RDX: variants seen among roughly 807,000 people sequenced by gnomAD.
The protein encoded by RDX is deafness, autosomal recessive 24.
A neutral mutation model predicts 83.7 loss-of-function variants in RDX; 32 were observed. That is an observed-to-expected ratio of 0.38 (90% CI 0.29 to 0.51). The LOEUF is 0.51. RDX is among the 20% of genes least tolerant of loss of function. The pLI, the probability that RDX is intolerant of heterozygous loss-of-function variation, is 0.87. For synonymous variants in RDX, 229 were observed against 222.7 expected (o/e 1.03, Z -0.25); for missense variants, 600 against 689.9 (o/e 0.87, Z 1.46).
At chr11:110,194,955 A>T (rs1830085581) in intron 15 of RDX, among the ~76,000 whole-genome samples, 1 of 151,028 alleles carries the variant, frequency 6.6e-6, no homozygotes, top group Admixed American at 6.6e-5. Context: ...GAAGGCTGTA[A>T]GAGTGACTTT....
intron 13 of RDX, among the ~76,000 whole-genome samples, chr11:110,232,907 GC>G (rs1864696634): frequency 6.6e-6 from 1 of 152,172 alleles, no homozygotes; most frequent in Non-Finnish European, 1.5e-5. Flanking sequence ...GAGCCACTGC[GC>G]CTGGCCCTCA....
At chr11:110,284,271 C>G (rs897519439) in intron 1 of RDX, among the ~76,000 whole-genome samples, 2 of 152,136 alleles carry the variant, frequency 1.3e-5, no homozygotes, top group African/African-American at 4.8e-5. Flanking sequence ...TTTCTCCCCC[C>G]AAACTAAATA....
intron 14 of RDX, among the ~76,000 whole-genome samples, chr11:110,219,009 G>A (rs762018824): frequency 3.9e-5 from 6 of 152,176 alleles, no homozygotes; most frequent in Non-Finnish European, 7.3e-5. Context: ...GGGTGAGATA[G>A]ATACAATACA....
At chr11:110,284,584 G>C (rs1237583251) in intron 1 of RDX, among the ~76,000 whole-genome samples, 1 of 151,340 alleles carries the variant, frequency 6.6e-6, no homozygotes, top group Non-Finnish European at 1.5e-5. Flanking sequence ...GCAGTGGCGC[G>C]ATATCGGCTC....
intron 15 of RDX, among the ~76,000 whole-genome samples, chr11:110,198,204 T>C (rs1591504657): frequency 6.6e-6 from 1 of 151,964 alleles, no homozygotes; most frequent in Non-Finnish European, 1.5e-5. Context: ...AATCAGCAAG[T>C]TGGGGGAACT....
chr11:110,188,157 G>C (rs1863023883), intron 15 of RDX, among the ~76,000 whole-genome samples: 1 of 152,040 alleles, frequency 6.6e-6, no homozygotes, highest in Non-Finnish European at 1.5e-5. Flanking sequence ...AACCAGGCAT[G>C]GTGGTGCGCC....
intron 1 of RDX, chr11:110,288,279 ATCTCT>A (rs1313910913): frequency 6.6e-6 from 1 of 152,222 alleles, no homozygotes. Flanking sequence ...TGAGTTTAGG[ATCTCT>A]TCTAAGAGTT....
chr11:110,276,374 A>G (rs1860519486), intron 2 of RDX, among the ~76,000 whole-genome samples: 1 of 152,202 alleles, frequency 6.6e-6, no homozygotes, highest in African/African-American at 2.4e-5. Context: ...ACTACTCAAT[A>G]TCATATTGTC....
chr11:110,247,736 G>C lies in RDX; in HGVS notation c.1057C>G (p.Gln353Glu). Reference protein sequence around the residue: ...EKEELMERLKQIEEQTIKAQK... With the variant: ...EKEELMERLKEIEEQTIKAQK... ...GCTTTAATTGTCTGCTCTTCAATTT[G>C]TTTTAGACGTTCCATTAGCTCTTCC... The change falls in exon 10 of 14, where the codon CAA becomes GAA. Residue 353 changes from glutamine (Q) to glutamate (E), a missense_variant. Transcript: ENST00000645495. 6.2e-7 allele frequency: 1 copy of C among 1,612,302 alleles called. No homozygotes were observed. The highest frequency in any genetic ancestry group is 8.5e-7 in the Non-Finnish European group (1 of 1,179,514).
rs536615954 is a variant in RDX at position 110,235,040 on chromosome 11, A to G, written c.1344+1059T>C. Reference sequence around the variant, plus strand: ...ACTTTAGACAACAGTGGTTTCATCTACTTAGGACTCATATTAGAAATCTCG... The same window carrying G: ...ACTTTAGACAACAGTGGTTTCATCTGCTTAGGACTCATATTAGAAATCTCG... On this transcript the variant is annotated intron_variant, in intron 12 of 13. Coordinates refer to ENST00000645495, the MANE Select transcript of RDX (RefSeq NM_002906.4). Among the ~76,000 whole-genome samples, 6 of 152,092 alleles carry G rather than the reference A, an allele frequency of 3.9e-5. No individual in the cohort carries two copies. In the East Asian group the frequency reaches 5.8e-4, roughly 15 times the overall value.
At chr11:110,187,173 C>T (rs1370583108) in intron 15 of RDX, among the ~76,000 whole-genome samples, 1 of 152,230 alleles carries the variant, frequency 6.6e-6, no homozygotes, top group Non-Finnish European at 1.5e-5. Context: ...ACTCTACCCC[C>T]AGACATATCT....
intron 3 of RDX, among the ~76,000 whole-genome samples, chr11:110,267,737 G>A (rs1290653232): frequency 6.6e-6 from 1 of 151,864 alleles, no homozygotes; most frequent in African/African-American, 2.4e-5. Flanking sequence ...GCCAAGGCAG[G>A]AGGAGCTCAG....
chr11:110,205,831 C>T (rs1057458561), intron 14 of RDX, among the ~76,000 whole-genome samples: 1 of 152,262 alleles, frequency 6.6e-6, no homozygotes, highest in Admixed American at 6.5e-5. Flanking sequence ...TGTGCATATT[C>T]CATAATGACA....
chr11:110,262,894 C>CCTAT (rs1412531477), intron 5 of RDX, among the ~76,000 whole-genome samples: 2 of 152,088 alleles, frequency 1.3e-5, no homozygotes, highest in Admixed American at 1.3e-4. Context: ...TTAAAATAGC[C>CCTAT]ATTATAGAAG....
intron 3 of RDX, among the ~76,000 whole-genome samples, chr11:110,269,069 T>G (rs1860185752): frequency 6.6e-6 from 1 of 151,954 alleles, no homozygotes; most frequent in African/African-American, 2.4e-5. Flanking sequence ...TTCTCCCACC[T>G]CAGCCTCCTG....
At chr11:110,275,700 G>A (rs1294492960) in intron 2 of RDX, among the ~76,000 whole-genome samples, 2 of 150,338 alleles carry the variant, frequency 1.3e-5, no homozygotes, top group African/African-American at 2.5e-5. Context: ...TCTCCATAGT[G>A]TCCTTTATGA....
chr11:110,282,461 C>G (rs535763646), intron 1 of RDX, among the ~76,000 whole-genome samples: 2 of 151,316 alleles, frequency 1.3e-5, no homozygotes, highest in East Asian at 3.9e-4. Context: ...TGGAAATATA[C>G]CTGAAGAAAA....
At chr11:110,270,445 C>T (rs1185933097) in intron 3 of RDX, among the ~76,000 whole-genome samples, 3 of 151,974 alleles carry the variant, frequency 2.0e-5, no homozygotes, top group Admixed American at 6.6e-5. Flanking sequence ...ATAAGTGGCC[C>T]GTCACTGATC....
intron 1 of RDX, chr11:110,288,440 AC>A (rs1378123868): frequency 6.6e-6 from 1 of 152,246 alleles, no homozygotes; most frequent in Non-Finnish European, 1.5e-5. Flanking sequence ...TCTTAAGAAA[AC>A]ATTAAACATT....
Sources: gnomAD v4.1 joint callset for allele counts (sites outside exome capture counted in the v4.1 genomes callset) on GRCh38, gnomAD v4.1.1 for gene constraint, MANE v1.5 for transcripts, NCBI Gene and HGNC (gene_info 2026-07-23, HGNC 2026-07-21) for gene names.